The following KIF16B variants were observed in gnomAD, a reference collection of about 807,000 sequenced individuals.
KIF16B encodes the protein kinesin-like protein KIF16B.
KIF16B carries 98 observed loss-of-function variants against 156.3 expected under a neutral mutation model. That is an observed-to-expected ratio of 0.63 (90% CI 0.53 to 0.74). The LOEUF is 0.74. Ranked by LOEUF, KIF16B falls within the 30% of genes least tolerant of loss-of-function variation. The pLI is 0.00. For missense variants in KIF16B, 1,421 were observed against 1,606.5 expected, an observed-to-expected ratio of 0.88 and a Z score of 1.97; for synonymous variants, 564 against 583.7, an observed-to-expected ratio of 0.97 and a Z score of 0.49.
At chr20:16,522,088 C>T (rs2069373060) in intron 3 of KIF16B, among the ~76,000 whole-genome samples, 1 of 152,126 alleles carries the variant, frequency 6.6e-6, no homozygotes, top group Non-Finnish European at 1.5e-5. Context: ...TAAAGACCAT[C>T]GACACCATGA....
At chr20:16,509,333 A>T (rs1049171483) in intron 6 of KIF16B, among the ~76,000 whole-genome samples, 5 of 152,226 alleles carry the variant, frequency 3.3e-5, no homozygotes, top group African/African-American at 1.2e-4. Context: ...GTGAATGTTT[A>T]TACAGAATAA....
chr20:16,495,066 A>G (rs1158251578), intron 11 of KIF16B, among the ~76,000 whole-genome samples: 1 of 149,498 alleles, frequency 6.7e-6, no homozygotes, highest in Non-Finnish European at 1.5e-5. Flanking sequence ...TCAACAGGAA[A>G]CAAAAAGTGA....
intron 1 of KIF16B, among the ~76,000 whole-genome samples, chr20:16,541,190 C>T (rs1057111328): frequency 7.2e-5 from 11 of 152,314 alleles, no homozygotes; most frequent in South Asian, 2.1e-4. Context: ...AACCACTCCT[C>T]GCTGTTCTCC....
At chr20:16,509,619 C>G (rs750815537) in intron 6 of KIF16B, among the ~76,000 whole-genome samples, 1 of 152,212 alleles carries the variant, frequency 6.6e-6, no homozygotes, top group Non-Finnish European at 1.5e-5. Context: ...TCCGTTTCTA[C>G]AAACAGCCTA....
chr20:16,558,310 G>A (rs1277065392), intron 1 of KIF16B, among the ~76,000 whole-genome samples: 1 of 152,232 alleles, frequency 6.6e-6, no homozygotes, highest in Non-Finnish European at 1.5e-5. Flanking sequence ...CTCCTAGCCA[G>A]TAACAACAGG....
chr20:16,567,907 G>C (rs893545044), intron 1 of KIF16B, among the ~76,000 whole-genome samples: 2 of 152,144 alleles, frequency 1.3e-5, no homozygotes, highest in Non-Finnish European at 1.5e-5. Flanking sequence ...AACCGAGATC[G>C]CGCCACTGCA....
intron 1 of KIF16B, among the ~76,000 whole-genome samples, chr20:16,555,143 C>T (rs1368310842): frequency 2.6e-5 from 4 of 152,220 alleles, no homozygotes; most frequent in African/African-American, 9.6e-5. Context: ...CCCATACCAA[C>T]ATCACCACAA....
intron 23 of KIF16B, among the ~76,000 whole-genome samples, chr20:16,339,919 A>C (rs1291334817): frequency 6.6e-6 from 1 of 151,900 alleles, no homozygotes; most frequent in Non-Finnish European, 1.5e-5. Context: ...TCCTTCCTTC[A>C]TTTTTTTCTC....
At chr20:16,452,805 A>G (rs2067117692) in intron 12 of KIF16B, among the ~76,000 whole-genome samples, 1 of 151,796 alleles carries the variant, frequency 6.6e-6, no homozygotes, top group African/African-American at 2.4e-5. Flanking sequence ...ACTGCACTCC[A>G]GCCTGGGCAA....
chr20:16,382,017 T>C (rs1307508705), intron 17 of KIF16B: 2 of 1,015,180 alleles, frequency 2.0e-6, no homozygotes, highest in African/African-American at 1.7e-5. Context: ...AAAGCAGAGT[T>C]AAACAAGACT....
intron 23 of KIF16B, among the ~76,000 whole-genome samples, chr20:16,348,476 G>A (rs574202323): frequency 6.6e-6 from 1 of 152,130 alleles, no homozygotes; most frequent in Non-Finnish European, 1.5e-5. Context: ...AAATGCCTTG[G>A]GTAAAGAAGG....
At chr20:16,410,908 TAGGGGCTGC>T (rs1170148722) in intron 15 of KIF16B, among the ~76,000 whole-genome samples, 1 of 152,050 alleles carries the variant, frequency 6.6e-6, no homozygotes, top group Non-Finnish European at 1.5e-5. Context: ...TTAGTTCCTG[TAGGGGCTGC>T]CTCATTGTCT....
chr20:16,437,136 G>A (rs1335266018), intron 12 of KIF16B, among the ~76,000 whole-genome samples: 3 of 152,200 alleles, frequency 2.0e-5, no homozygotes, highest in African/African-American at 7.2e-5. Context: ...AGGGAATAAT[G>A]ACAAGAAAAA....
chr20:16,366,272 C>T (rs1022460961), intron 22 of KIF16B, among the ~76,000 whole-genome samples: 3 of 152,144 alleles, frequency 2.0e-5, no homozygotes, highest in African/African-American at 7.2e-5. Flanking sequence ...CAGTAGGAGA[C>T]CTCAATCAAA....
intron 2 of KIF16B, among the ~76,000 whole-genome samples, chr20:16,527,313 G>A (rs1410913566): frequency 1.3e-5 from 2 of 152,214 alleles, no homozygotes; most frequent in Non-Finnish European, 2.9e-5. Context: ...ATGATCCAGA[G>A]GCTGCCCAGT....
chr20:16,533,954 A>T (rs1487205355), intron 1 of KIF16B, among the ~76,000 whole-genome samples: 1 of 151,400 alleles, frequency 6.6e-6, no homozygotes, highest in African/African-American at 2.4e-5. Flanking sequence ...TTTAAAAAAA[A>T]ATAAAAAATA....
intron 1 of KIF16B, among the ~76,000 whole-genome samples, chr20:16,560,274 T>A (rs1409537865): frequency 1.3e-5 from 2 of 152,074 alleles, no homozygotes; most frequent in Non-Finnish European, 2.9e-5. Context: ...TTTGAGCTAG[T>A]CTCCATCACC....
At chr20:16,407,294 C>T (rs1050309411) in intron 15 of KIF16B, among the ~76,000 whole-genome samples, 5 of 152,168 alleles carry the variant, frequency 3.3e-5, no homozygotes, top group Admixed American at 1.3e-4. Flanking sequence ...AAGAGGTTCA[C>T]TGTGTCTTCT....
chr20:16,506,220 GA>G, intron 7 of KIF16B, 30 bp from the exon 8 acceptor site: 1 of 1,583,890 alleles, frequency 6.3e-7, no homozygotes, highest in Non-Finnish European at 8.7e-7. Context: ...TAAAATTGAA[GA>G]GGTGCAAAGG....
Sources: gnomAD v4.1 joint callset for allele counts (sites outside exome capture counted in the v4.1 genomes callset) on GRCh38, gnomAD v4.1.1 for gene constraint, MANE v1.5 for transcripts, NCBI Gene and HGNC (gene_info 2026-07-23, HGNC 2026-07-21) for gene names.